The following TNS1 variants were observed in gnomAD, a reference collection of about 807,000 sequenced individuals.
TNS1 encodes the protein tensin-1.
In TNS1, 62 loss-of-function variants were observed where a neutral mutation model predicts 168.6. The ratio of observed to expected loss-of-function variants is 0.37; its 90% CI spans 0.30 to 0.45. The LOEUF (loss-of-function observed/expected upper bound fraction) is 0.45. Ranked by LOEUF, TNS1 falls within the 20% of genes least tolerant of loss-of-function variation. TNS1 has a pLI of 1.00. For synonymous variants in TNS1, 934 were observed against 933.2 expected (o/e 1.00, Z -0.02); for missense variants, 2,240 against 2,339.4 (o/e 0.96, Z 0.88).
At chr2:217,976,410 G>A (rs76981769) in intron 3 of TNS1, among the ~76,000 whole-genome samples, 2,464 of 152,308 alleles carry the variant, frequency 0.016, 69 homozygotes, top group African/African-American at 0.056. Flanking sequence ...AAGGCAGGGC[G>A]GCAGTAAGAG....
At position 217,911,979 on chromosome 2, in the gene TNS1, T is replaced by A. The variant is rs144045378; in HGVS notation, c.229-4728A>T. On this transcript the variant is annotated intron_variant, in intron 4 of 32. Transcript: ENST00000682258. The stretch of plus-strand genomic sequence containing the variant: ...AGATCAGACAACAGAGAGAACTTCC[T>A]GAATTCGAGGGGTCGGGAACCACAG... 1.4e-4 allele frequency among the ~76,000 whole-genome samples: 22 copies of A among 152,368 alleles called. No individual in the cohort carries two copies. The East Asian group carries it at 3.9e-3, about 27-fold the overall frequency.
chr2:217,829,997 T>C lies in TNS1; in HGVS notation c.3373+1458A>G, dbSNP rs1944184893. 15 of 1,506,750 alleles carry C rather than the reference T, an allele frequency of 1.0e-5. 1 individual carries two copies. The South Asian group carries it at 2.0e-4, about 20-fold the overall frequency. The allele number at this position is 1,506,750 out of a possible 1,614,324, so 93.3% of individuals were successfully genotyped here. On this transcript the variant is annotated intron_variant, in intron 22 of 32. Coordinates refer to ENST00000682258, the MANE Select transcript of TNS1 (RefSeq NM_001387777.1). ...GAGAGAAAGAGATTAACAGGGATTA[T>C]TTCTTGAGAAAGAGAATCTGTGGAG... is the stretch of plus-strand genomic sequence containing the variant.
intron 18 of TNS1, among the ~76,000 whole-genome samples, chr2:217,858,018 C>CGTGAATGGG (rs1948360435): frequency 6.6e-6 from 1 of 152,276 alleles, no homozygotes; most frequent in Admixed American, 6.5e-5. Context: ...GAATGGGAGC[C>CGTGAATGGG]CACAGGAGGC....
At chr2:217,878,551 C>T (rs1950401811) in intron 18 of TNS1, among the ~76,000 whole-genome samples, 1 of 152,172 alleles carries the variant, frequency 6.6e-6, no homozygotes, top group Admixed American at 6.5e-5. Context: ...GTTCTTGGTG[C>T]CATGGCTGGT....
chr2:217,983,619 T>A (rs1168747426), intron 2 of TNS1, among the ~76,000 whole-genome samples: 1 of 152,254 alleles, frequency 6.6e-6, no homozygotes, highest in Non-Finnish European at 1.5e-5. Context: ...GCCAACATTG[T>A]TGGGATCTAA....
intron 3 of TNS1, among the ~76,000 whole-genome samples, chr2:217,924,724 T>C (rs901756925): frequency 3.9e-5 from 6 of 152,184 alleles, no homozygotes; most frequent in South Asian, 2.1e-4. Flanking sequence ...ATTTCACATA[T>C]GGAGAAACAG....
chr2:217,955,078 G>A (rs775379423), intron 3 of TNS1, among the ~76,000 whole-genome samples: 38 of 152,330 alleles, frequency 2.5e-4, no homozygotes, highest in African/African-American at 5.5e-4. Context: ...ACAGGTGTCC[G>A]CCATAGTCCC....
intron 18 of TNS1, among the ~76,000 whole-genome samples, chr2:217,875,447 A>G (rs1480161016): frequency 2.0e-5 from 3 of 152,232 alleles, no homozygotes; most frequent in Admixed American, 2.0e-4. Context: ...AGAAATGGAA[A>G]GAAATACTAT....
intron 3 of TNS1, among the ~76,000 whole-genome samples, chr2:217,966,457 GA>G (rs1457958994): frequency 1.3e-5 from 2 of 152,194 alleles, no homozygotes; most frequent in African/African-American, 4.8e-5. Context: ...CATCCCCAGC[GA>G]AGCTGAAGCC....
chr2:217,958,806 G>C (rs946621197), intron 3 of TNS1, among the ~76,000 whole-genome samples: 3 of 152,222 alleles, frequency 2.0e-5, no homozygotes, highest in African/African-American at 4.8e-5. Flanking sequence ...GTGAGGTTAG[G>C]GTGGGTTAGG....
At chr2:217,810,814 T>C (rs1940733658) in intron 28 of TNS1, among the ~76,000 whole-genome samples, 1 of 152,192 alleles carries the variant, frequency 6.6e-6, no homozygotes, top group Non-Finnish European at 1.5e-5. Flanking sequence ...GATGGATATA[T>C]TAGCATATTG....
Position 217,954,534 on chromosome 2 carries a change from C to A in TNS1, c.186+24231G>T, listed in dbSNP as rs562760184. ...TCACCATGATAAACAGGAAACCGAG[C>A]TTTGAAGAGGGTGTCACTTGTCCAA... On this transcript the variant is annotated intron_variant, in intron 3 of 32. Coordinates refer to ENST00000682258, the MANE Select transcript of TNS1 (RefSeq NM_001387777.1). Among the ~76,000 whole-genome samples the A allele has an allele frequency of 2.6e-5, 4 of 152,300 alleles. No homozygotes were observed. The South Asian group carries it at 8.3e-4, about 32-fold the overall frequency.
Position 217,906,458 on chromosome 2 carries a change from C to G in TNS1, c.271-73G>C, listed in dbSNP as rs554254011. ...TCAAAATGCACCTTGCTGGGTTTGTCAGGAGCGGCAGATGAGGAGGTTGGC... is the reference window on the plus strand; with the variant it reads ...TCAAAATGCACCTTGCTGGGTTTGTGAGGAGCGGCAGATGAGGAGGTTGGC... On this transcript the variant is annotated intron_variant, in intron 5 of 32. Transcript: ENST00000682258. 63 of 698,690 alleles carry G rather than the reference C, an allele frequency of 9.0e-5. No homozygotes were observed. In the African/African-American group the frequency reaches 1.1e-3, roughly 12 times the overall value. 43.3% of individuals were successfully genotyped at this position (698,690 alleles called of 1,614,324 possible). A position where few individuals can be genotyped will look rare whatever the true frequency, so the allele number is the denominator to read the frequency against.
chr2:217,839,266 G>A (rs753669352), intron 19 of TNS1, among the ~76,000 whole-genome samples: 8 of 152,136 alleles, frequency 5.3e-5, no homozygotes, highest in Non-Finnish European at 8.8e-5. Flanking sequence ...TGACAACAAA[G>A]TATCTTTAGG....
intron 3 of TNS1, among the ~76,000 whole-genome samples, chr2:217,973,556 C>T (rs1957822319): frequency 6.6e-6 from 1 of 152,074 alleles, no homozygotes; most frequent in Non-Finnish European, 1.5e-5. Flanking sequence ...CAGTAAGATT[C>T]CTGGCTCTGA....
upstream of TNS1, among the ~76,000 whole-genome samples, chr2:218,005,715 CTCAA>C (rs1228998372): frequency 3.9e-5 from 6 of 152,360 alleles, no homozygotes; most frequent in Non-Finnish European, 7.3e-5. Flanking sequence ...GACTCAATCA[CTCAA>C]TCAATTAGTC....
At chr2:217,991,807 G>A (rs1370544692) in intron 1 of TNS1, among the ~76,000 whole-genome samples, 2 of 151,028 alleles carry the variant, frequency 1.3e-5, no homozygotes, top group Admixed American at 6.6e-5. Flanking sequence ...CCCCAGCCCG[G>A]AAGGCTTCTT....
chr2:218,001,379 T>C (rs901570118), intron 1 of TNS1, among the ~76,000 whole-genome samples: 1 of 152,082 alleles, frequency 6.6e-6, no homozygotes, highest in Admixed American at 6.5e-5. Context: ...AAGCAGAGGC[T>C]CACCAGGATG....
At chr2:217,941,504 G>T (rs1956909960) in intron 3 of TNS1, among the ~76,000 whole-genome samples, 1 of 152,170 alleles carries the variant, frequency 6.6e-6, no homozygotes. Flanking sequence ...CAGAGCGTCG[G>T]GCTCTTGGTT....
Sources: allele counts gnomAD v4.1 joint callset (sites outside exome capture counted in the v4.1 genomes callset), GRCh38; gene constraint gnomAD v4.1.1; transcripts MANE v1.5; gene names NCBI Gene and HGNC (gene_info 2026-07-23, HGNC 2026-07-21).